POLDIP3: variants seen among roughly 807,000 people sequenced by gnomAD.
POLDIP3 encodes DNA polymerase delta interacting protein 3, also known as polymerase delta-interacting protein 3.
POLDIP3 carries 14 observed loss-of-function variants against 45.1 expected under a neutral mutation model. That is an observed-to-expected ratio of 0.31 (90% CI 0.20 to 0.49). POLDIP3 has a LOEUF of 0.49. Ranked by LOEUF, POLDIP3 falls within the 20% of genes least tolerant of loss-of-function variation. POLDIP3 has a pLI of 0.99. For synonymous variants in POLDIP3, 223 were observed against 205.2 expected (o/e 1.09, Z -0.74); for missense variants, 511 against 538.8 (o/e 0.95, Z 0.51).
Position 42,605,397 on chromosome 22 carries a change from A to AT in POLDIP3, c.60-2238dup, listed in dbSNP as rs1335565251. Among the ~76,000 whole-genome samples, 3 of 152,234 alleles carry AT rather than the reference A, an allele frequency of 2.0e-5. No homozygotes were observed. The East Asian group carries it at 5.8e-4, about 29-fold the overall frequency. On this transcript the variant is annotated intron_variant, in intron 1 of 8. Transcript: ENST00000252115. ...CTGCCTTGGCCTCCAAAGCGTTACG[A>AT]TTACAGGCGTGAGCCACTGCGCCCG...
In POLDIP3 at chr22:42,599,714, C is replaced by A. The variant is rs752505864; in HGVS notation, c.617G>T (p.Gly206Val). The change falls in exon 4 of 9, where the codon GGC becomes GTC. Residue 206 changes from glycine to valine, a missense_variant. Physicochemically the swap from Gly to Val is moderately radical, Grantham distance 109 (BLOSUM62 -3). Coordinates refer to ENST00000252115, the MANE Select transcript of POLDIP3 (RefSeq NM_032311.5). ...ATGCCATACCATGTGGTGGAGAAAG[C>A]CGCCTGAGGCTGCAAACTTCATCTG... is the stretch of plus-strand genomic sequence containing the variant. ...TKQMKFAASG[G>V]FLHHMAGLSS... 1.9e-6 allele frequency: 3 copies of A among 1,609,102 alleles called. No homozygotes were observed. Among genetic ancestry groups the A allele is most frequent in the Non-Finnish European group, 2.6e-6 (3 of 1,175,706 alleles).
chr22:42,587,377 A>C (rs1925375981), intron 8 of POLDIP3, 129 bp downstream of exon 8: 7 of 971,730 alleles, frequency 7.2e-6, no homozygotes, highest in Non-Finnish European at 1.1e-5. Context: ...TGAAACGGCC[A>C]GCTGCCATTA....
At chr22:42,601,232 C>T (rs1002219996) in intron 3 of POLDIP3, among the ~76,000 whole-genome samples, 6 of 151,502 alleles carry the variant, frequency 4.0e-5, no homozygotes, top group African/African-American at 1.2e-4. Context: ...AAAATTAGGC[C>T]GGGCGCGGTG....
rs766357734 is a variant in POLDIP3, at chr22:42,585,953, G to C, written c.1104C>G (p.Ser368Arg). The change falls in exon 9 of 9, where the codon AGC becomes AGG. Residue 368 changes from serine (S) to arginine (R), a missense_variant. Around this residue, in one of 4 missense-constraint regions of POLDIP3, gnomAD observed 45 missense variants for 34.3 expected, o/e 1.31. Coordinates refer to ENST00000252115, the MANE Select transcript of POLDIP3 (RefSeq NM_032311.5). ...DQPILLRLSD[S>R]PSMKKESELP... ...GCTCGCTCTCCTTTTTCATTGATGG[G>C]CTGTCACTCAGCCGCCTGTGGAGAG... The C allele has an allele frequency of 2.5e-6, 4 of 1,612,440 alleles. No individual in the cohort carries two copies. Among genetic ancestry groups the C allele is most frequent in the South Asian group, 2.2e-5 (2 of 90,924 alleles).
chr22:42,590,499 CTACTGAG>C (rs1421513114), intron 7 of POLDIP3, among the ~76,000 whole-genome samples: 1 of 151,980 alleles, frequency 6.6e-6, no homozygotes, highest in African/African-American at 2.4e-5. Flanking sequence ...GCATGTTACT[CTACTGAG>C]TAGAGTAGGC....
rs1925132686 is a variant in POLDIP3 at position 42,584,017 on chromosome 22, G to A, written c.*1774C>T. 1.3e-5 allele frequency: 2 copies of A among 152,524 alleles called. No individual in the cohort carries two copies. The highest frequency in any genetic ancestry group is 2.1e-4 in the South Asian group (1 of 4,828). 9.4% of individuals were successfully genotyped at this position (152,524 alleles called of 1,614,324 possible). A position where few individuals can be genotyped will look rare whatever the true frequency, so the allele number is the denominator to read the frequency against. On this transcript the variant is annotated 3_prime_UTR_variant, in exon 9 of 9. Transcript: ENST00000252115. ...ACTCAATGAAACTCTGTGACAACCA[G>A]AAGATACCTGCTTTGGGATGAGAGG...
In POLDIP3 at chr22:42,584,825, C is replaced by T; in HGVS notation, c.*966G>A. The T allele has an allele frequency of 2.2e-6, 1 of 449,584 alleles. No individual in the cohort carries two copies. Among genetic ancestry groups the T allele is most frequent in the Non-Finnish European group, 4.5e-6 (1 of 224,180 alleles). The allele number at this position is 449,584 out of a possible 1,614,324, so 27.8% of individuals were successfully genotyped here. On this transcript the variant is annotated 3_prime_UTR_variant, in exon 9 of 9. Transcript: ENST00000252115. ...ATATGCCTCCAGGCATCCCTGACCA[C>T]TGTCCTGTAGACAACTGAGGCCAGA...
chr22:42,586,415 T>A (rs1925317627), intron 8 of POLDIP3, among the ~76,000 whole-genome samples: 1 of 152,108 alleles, frequency 6.6e-6, no homozygotes, highest in African/African-American at 2.4e-5. Context: ...CTAGTCTCGA[T>A]CTTCCAGGCT....
intron 1 of POLDIP3, among the ~76,000 whole-genome samples, chr22:42,611,241 C>T (rs751245074): frequency 6.6e-6 from 1 of 152,184 alleles, no homozygotes; most frequent in Admixed American, 6.5e-5. Context: ...TGGCTCACTG[C>T]AGCCTTGAAC....
chr22:42,588,819 G>A (rs1442495008), intron 7 of POLDIP3, among the ~76,000 whole-genome samples: 1 of 151,864 alleles, frequency 6.6e-6, no homozygotes, highest in Non-Finnish European at 1.5e-5. Flanking sequence ...GTAGAGATGG[G>A]GTTTCCTCAT....
In POLDIP3 at chr22:42,585,709, T is replaced by C; in HGVS notation, c.*82A>G. The stretch of plus-strand genomic sequence containing the variant: ...CCACAATCAGGGGTCTCCAGTCCGA[T>C]GGCCCATTGGTCATAAGCTTTGCCT... On this transcript the variant is annotated 3_prime_UTR_variant, in exon 9 of 9. Transcript: ENST00000252115. 1.4e-6 allele frequency: 2 copies of C among 1,471,062 alleles called. No individual in the cohort carries two copies. The highest frequency in any genetic ancestry group is 1.3e-5 in the South Asian group (1 of 75,414). The allele number at this position is 1,471,062 out of a possible 1,614,324, so 91.1% of individuals were successfully genotyped here.
intron 7 of POLDIP3, among the ~76,000 whole-genome samples, chr22:42,588,820 G>T (rs1480278149): frequency 6.6e-6 from 1 of 152,080 alleles, no homozygotes; most frequent in Non-Finnish European, 1.5e-5. Flanking sequence ...TAGAGATGGG[G>T]TTTCCTCATA....
At chr22:42,597,965 G>C (rs1228507407) in intron 4 of POLDIP3, among the ~76,000 whole-genome samples, 1 of 151,384 alleles carries the variant, frequency 6.6e-6, no homozygotes, top group African/African-American at 2.4e-5. Context: ...TTTTAGTAGA[G>C]ACGGGATTTC....
intron 7 of POLDIP3, among the ~76,000 whole-genome samples, chr22:42,589,230 G>T (rs1291833590): frequency 6.9e-6 from 1 of 145,052 alleles, no homozygotes; most frequent in African/African-American, 2.5e-5. Context: ...GCGACAGAGC[G>T]AGACTCCGTC....
chr22:42,604,289 G>A (rs563689580), intron 1 of POLDIP3, among the ~76,000 whole-genome samples: 77 of 152,178 alleles, frequency 5.1e-4, no homozygotes, highest in African/African-American at 1.7e-3. Flanking sequence ...TGGGTGGGGC[G>A]GGGGGAGGAG....
At chr22:42,599,821 G>A in intron 3 of POLDIP3, 28 bp from the exon 4 acceptor site, 1 of 1,520,802 alleles carries the variant, frequency 6.6e-7, no homozygotes, top group South Asian at 1.1e-5. Context: ...AGAAATATAA[G>A]CAAATGTGGC....
chr22:42,612,907 G>A (rs950674603), intron 1 of POLDIP3, among the ~76,000 whole-genome samples: 1 of 152,158 alleles, frequency 6.6e-6, no homozygotes, highest in Non-Finnish European at 1.5e-5. Flanking sequence ...AAACTGCCTA[G>A]TTCAGAACTC....
chr22:42,591,969 T>A lies in POLDIP3; in HGVS notation c.1007A>T (p.Asn336Ile). 1 of 1,614,164 alleles carries A rather than the reference T, an allele frequency of 6.2e-7. No individual in the cohort carries two copies. The highest frequency in any genetic ancestry group is 8.5e-7 in the Non-Finnish European group (1 of 1,180,036). The change falls in exon 7 of 9, where the codon AAC (asparagine) becomes ATC (isoleucine). Residue 336 changes from asparagine to isoleucine, a missense_variant. Transcript: ENST00000252115. Reference sequence around the variant, plus strand: ...CCCTAACTTACCGTCCAGACACCGGTTGTTGTACTTCTTATATGCGGTGAT... The same window carrying A: ...CCCTAACTTACCGTCCAGACACCGGATGTTGTACTTCTTATATGCGGTGAT... ...DAITAYKKYN[N>I]RCLDGQPMKC...
At chr22:42,612,448 G>A (rs189389152) in intron 1 of POLDIP3, among the ~76,000 whole-genome samples, 17 of 152,322 alleles carry the variant, frequency 1.1e-4, no homozygotes, top group Non-Finnish European at 1.2e-4. Context: ...ATGCTCCAGG[G>A]GCGTTGTGTG....
Sources: allele counts gnomAD v4.1 joint callset (sites outside exome capture counted in the v4.1 genomes callset), GRCh38; gene constraint gnomAD v4.1.1; regional missense constraint gnomAD v4.1.1; transcripts MANE v1.5; gene names NCBI Gene and HGNC (gene_info 2026-07-23, HGNC 2026-07-21).